The following STK33 variants were observed in gnomAD, a reference collection of about 807,000 sequenced individuals.
STK33 encodes serine/threonine-protein kinase 33.
Under a neutral mutation model 58.0 loss-of-function variants are expected in STK33, and 52 were observed. The ratio of observed to expected loss-of-function variants is 0.90; its 90% CI spans 0.72 to 1.13. The LOEUF is 1.13. STK33 is among the 50% of genes most tolerant of loss of function. The pLI is 0.00. For synonymous variants in STK33, 215 were observed against 200.1 expected (o/e 1.07, Z -0.63); for missense variants, 630 against 604.2 (o/e 1.04, Z -0.45).
intron 8 of STK33, among the ~76,000 whole-genome samples, chr11:8,461,168 A>G (rs965135132): frequency 6.6e-6 from 1 of 152,224 alleles, no homozygotes; most frequent in Non-Finnish European, 1.5e-5. Flanking sequence ...ATGCACAGGC[A>G]ATATGATTCC....
intron 1 of STK33, among the ~76,000 whole-genome samples, chr11:8,556,500 C>T (rs1956752946): frequency 6.6e-6 from 1 of 152,152 alleles, no homozygotes; most frequent in South Asian, 2.1e-4. Context: ...AATGATATCA[C>T]AAAACCTCTT....
intron 15 of STK33, 65 bp from the exon 16 acceptor site, chr11:8,392,775 A>G: frequency 6.5e-7 from 1 of 1,546,662 alleles, no homozygotes; most frequent in Non-Finnish European, 8.9e-7. Flanking sequence ...CAAAGATGCA[A>G]GGAACTACAA....
At chr11:8,419,512 G>A (rs1590902711) in intron 14 of STK33, among the ~76,000 whole-genome samples, 1 of 152,148 alleles carries the variant, frequency 6.6e-6, no homozygotes, top group East Asian at 1.9e-4. Context: ...AAGTTGGGTA[G>A]CATGATGCCT....
chr11:8,439,815 C>G (rs1944492739), intron 12 of STK33, among the ~76,000 whole-genome samples: 1 of 142,220 alleles, frequency 7.0e-6, no homozygotes, highest in African/African-American at 2.6e-5. Flanking sequence ...TGACACTTCT[C>G]CGTATACAAA....
the STK33 span, among the ~76,000 whole-genome samples, chr11:8,381,683 T>C: frequency 2.0e-5 from 3 of 152,152 alleles, no homozygotes; most frequent in Non-Finnish European, 4.4e-5. Context: ...TGCTGTACAG[T>C]GAGGGGCTGG....
At chr11:8,568,556 T>C (rs569578144) in intron 1 of STK33, among the ~76,000 whole-genome samples, 12 of 152,296 alleles carry the variant, frequency 7.9e-5, no homozygotes, top group Admixed American at 7.2e-4. Flanking sequence ...AAGCATGTAT[T>C]TCAAGATAAC....
intron 8 of STK33, among the ~76,000 whole-genome samples, chr11:8,461,258 G>A (rs1947489167): frequency 6.6e-6 from 1 of 152,154 alleles, no homozygotes; most frequent in Non-Finnish European, 1.5e-5. Flanking sequence ...ACTGTCTGGA[G>A]GCAGAATGGC....
chr11:8,510,022 C>T (rs765182228), intron 1 of STK33, among the ~76,000 whole-genome samples: 2 of 152,168 alleles, frequency 1.3e-5, no homozygotes, highest in Non-Finnish European at 2.9e-5. Flanking sequence ...AGATACTCAG[C>T]AGTGGGATTG....
intron 1 of STK33, among the ~76,000 whole-genome samples, chr11:8,494,782 A>G (rs1257421574): frequency 2.0e-5 from 3 of 152,240 alleles, no homozygotes; most frequent in Admixed American, 2.0e-4. Context: ...GGCCTCAGAA[A>G]TAACACCACA....
intron 7 of STK33, among the ~76,000 whole-genome samples, chr11:8,463,517 G>C (rs1427266553): frequency 6.6e-6 from 1 of 152,094 alleles, no homozygotes; most frequent in Non-Finnish European, 1.5e-5. Flanking sequence ...CTGGGGGTTG[G>C]GGACCCTCGA....
chr11:8,383,043 T>A, the STK33 span, among the ~76,000 whole-genome samples: 1 of 152,198 alleles, frequency 6.6e-6, no homozygotes, highest in Non-Finnish European at 1.5e-5. Context: ...CAAACTAGAT[T>A]GTCCACGAAT....
chr11:8,337,638 C>CT, the STK33 span, among the ~76,000 whole-genome samples: 18 of 4,870 alleles, frequency 3.7e-3, no homozygotes, highest in South Asian at 7.7e-3. Flanking sequence ...TTGACGACGG[C>CT]GGGGGGCGGG....
the STK33 span, among the ~76,000 whole-genome samples, chr11:8,356,492 G>A: frequency 1.3e-5 from 2 of 152,072 alleles, no homozygotes; most frequent in African/African-American, 4.8e-5. Context: ...TTTCGTGGGA[G>A]AGGTGGGTGG....
chr11:8,488,534 C>T (rs565501600), intron 1 of STK33, among the ~76,000 whole-genome samples: 4 of 152,126 alleles, frequency 2.6e-5, no homozygotes, highest in East Asian at 1.9e-4. Context: ...CCAACATGCA[C>T]GTAGAGTTCC....
intron 1 of STK33, among the ~76,000 whole-genome samples, chr11:8,497,194 T>A (rs868317378): frequency 4.6e-5 from 7 of 151,868 alleles, no homozygotes; most frequent in Admixed American, 1.3e-4. Flanking sequence ...TTTGAAGAAA[T>A]AATGGCCAAA....
intron 11 of STK33, 113 bp from the exon 12 acceptor site, chr11:8,440,866 G>A (rs1044152188): frequency 2.9e-5 from 31 of 1,068,136 alleles, no homozygotes; most frequent in Admixed American, 1.4e-4. Flanking sequence ...CCCCCATAGG[G>A]AAAAGAGAAC....
chr11:8,402,820 A>C (rs915960381), intron 15 of STK33, among the ~76,000 whole-genome samples: 1 of 152,094 alleles, frequency 6.6e-6, no homozygotes, highest in East Asian at 1.9e-4. Context: ...ACATGAACAA[A>C]TCTTAATTTT....
chr11:8,511,305 A>G (rs1012539955), intron 1 of STK33, among the ~76,000 whole-genome samples: 1 of 152,190 alleles, frequency 6.6e-6, no homozygotes, highest in African/African-American at 2.4e-5. Context: ...GTTGGTGTAT[A>G]GCAGTCCTAC....
intron 1 of STK33, among the ~76,000 whole-genome samples, chr11:8,566,588 GCAAA>G (rs1957458384): frequency 6.6e-6 from 1 of 152,132 alleles, no homozygotes; most frequent in African/African-American, 2.4e-5. Context: ...ACTAAATTCT[GCAAA>G]CAGTCAATTG....
Sources: gnomAD v4.1 joint callset for allele counts (sites outside exome capture counted in the v4.1 genomes callset) on GRCh38, gnomAD v4.1.1 for gene constraint, MANE v1.5 for transcripts, NCBI Gene and HGNC (gene_info 2026-07-23, HGNC 2026-07-21) for gene names.